Variants in ARID4B observed in about 807,000 individuals in gnomAD.
ARID4B encodes the protein AT-rich interactive domain-containing protein 4B.
ARID4B carries 26 observed loss-of-function variants against 147.5 expected under a neutral mutation model. The observed-to-expected ratio is 0.18, with a 90% CI of 0.13 to 0.24. The LOEUF (loss-of-function observed/expected upper bound fraction) is 0.24. Ranked by LOEUF, ARID4B falls within the 10% of genes least tolerant of loss-of-function variation. The probability of loss-of-function intolerance (pLI) is 1.00; values close to 1 mark genes in which losing one functional copy is unlikely to be tolerated. For missense variants in ARID4B, 1,179 were observed against 1,511.5 expected (o/e 0.78, Z 3.65); for synonymous variants, 512 against 507.9 (o/e 1.01, Z -0.11).
At chr1:235,212,943 G>A (rs1041626252) in intron 17 of ARID4B, among the ~76,000 whole-genome samples, 53 of 152,052 alleles carry the variant, frequency 3.5e-4, no homozygotes, top group Non-Finnish European at 1.2e-4. Flanking sequence ...AAACTTCTAT[G>A]GTTAATCTTT....
chr1:235,217,157 A>G (rs1460860929), intron 16 of ARID4B, among the ~76,000 whole-genome samples: 6 of 152,196 alleles, frequency 3.9e-5, no homozygotes, highest in Admixed American at 3.9e-4. Flanking sequence ...TATACATTTA[A>G]TATCACCCTC....
chr1:235,204,730 G>A (rs1182446701), intron 17 of ARID4B, among the ~76,000 whole-genome samples: 1 of 152,144 alleles, frequency 6.6e-6, no homozygotes, highest in Non-Finnish European at 1.5e-5. Flanking sequence ...CCCCAAAAGT[G>A]TACTTTGTTA....
At chr1:235,189,578 T>C (rs986223636) in intron 19 of ARID4B, among the ~76,000 whole-genome samples, 8 of 151,732 alleles carry the variant, frequency 5.3e-5, no homozygotes, top group Non-Finnish European at 1.2e-4. Context: ...AGGTATAATA[T>C]CAAATAATGG....
intron 2 of ARID4B, among the ~76,000 whole-genome samples, chr1:235,301,252 T>A (rs1392091360): frequency 2.6e-5 from 4 of 151,750 alleles, no homozygotes. Context: ...TGCTGAAAAT[T>A]TAGTGCCCAG....
chr1:235,177,233 G>T lies in ARID4B; in HGVS notation c.3448+567C>A, dbSNP rs573547465. Among the ~76,000 whole-genome samples the T allele has an allele frequency of 9.2e-5, 14 of 152,272 alleles. No individual in the cohort carries two copies. In the South Asian group the frequency reaches 2.9e-3, roughly 32 times the overall value. Reference sequence around the variant, plus strand: ...ACTGTAATAAAAATAACATGTAGTTGAAATATTTCACAATGTGTGATACAT... The same window carrying T: ...ACTGTAATAAAAATAACATGTAGTTTAAATATTTCACAATGTGTGATACAT... On this transcript the variant is annotated intron_variant, in intron 21 of 23. Coordinates refer to ENST00000264183, the MANE Select transcript of ARID4B (RefSeq NM_016374.6).
intron 2 of ARID4B, 97 bp downstream of exon 2, chr1:235,326,817 C>T: frequency 2.7e-6 from 4 of 1,490,364 alleles, no homozygotes; most frequent in Non-Finnish European, 3.7e-6. Flanking sequence ...ACACCTTCCT[C>T]TGCAAAACTC....
intron 22 of ARID4B, among the ~76,000 whole-genome samples, chr1:235,174,129 T>G (rs906771534): frequency 6.6e-6 from 1 of 151,842 alleles, no homozygotes; most frequent in Non-Finnish European, 1.5e-5. Flanking sequence ...AACCTCCACC[T>G]GCCAGGTGCA....
intron 14 of ARID4B, among the ~76,000 whole-genome samples, chr1:235,220,831 T>C (rs1667416368): frequency 6.6e-6 from 1 of 152,210 alleles, no homozygotes; most frequent in Non-Finnish European, 1.5e-5. Flanking sequence ...CTGGACTCCT[T>C]AGTAAATCTC....
intron 18 of ARID4B, 66 bp from the exon 19 acceptor site, chr1:235,194,277 C>A (rs1465172212): frequency 2.7e-6 from 3 of 1,114,430 alleles, no homozygotes; most frequent in African/African-American, 3.1e-5. Context: ...ATGTTAATGT[C>A]CACTTTTAAC....
At chr1:235,201,658 AACCTTTTGGTTTTAAAATGCTTCCAG>A (rs1271140908) in intron 17 of ARID4B, among the ~76,000 whole-genome samples, 1 of 152,032 alleles carries the variant, frequency 6.6e-6, no homozygotes, top group East Asian at 1.9e-4. Flanking sequence ...GTTAAATACA[AACCTTTTGGTTTTAAAATGCTTCCAG>A]ACCAGCCTGG....
At chr1:235,236,711 C>T (rs1668582847) in intron 8 of ARID4B, among the ~76,000 whole-genome samples, 1 of 149,702 alleles carries the variant, frequency 6.7e-6, no homozygotes, top group Non-Finnish European at 1.5e-5. Flanking sequence ...TAGGGTTTCA[C>T]CATGTTGGCC....
chr1:235,207,535 A>G (rs544773750), intron 17 of ARID4B, among the ~76,000 whole-genome samples: 16 of 152,338 alleles, frequency 1.1e-4, no homozygotes, highest in African/African-American at 3.1e-4. Context: ...AATGTAAGCA[A>G]TATCAAGGGA....
At chr1:235,231,803 C>T (rs1385509515) in intron 9 of ARID4B, among the ~76,000 whole-genome samples, 3 of 152,140 alleles carry the variant, frequency 2.0e-5, no homozygotes, top group African/African-American at 7.2e-5. Flanking sequence ...CGATTTATGG[C>T]AATATAATGA....
chr1:235,260,602 A>T (rs1670233223), intron 3 of ARID4B, 40 bp downstream of exon 3: 1 of 1,444,320 alleles, frequency 6.9e-7, no homozygotes, highest in East Asian at 2.4e-5. Flanking sequence ...TACATATCAA[A>T]TGCTGAACAT....
chr1:235,200,583 A>G (rs1187692289), intron 17 of ARID4B, among the ~76,000 whole-genome samples: 1 of 152,240 alleles, frequency 6.6e-6, no homozygotes, highest in Non-Finnish European at 1.5e-5. Flanking sequence ...TTAATTTAAG[A>G]AAGCAATATT....
At chr1:235,193,498 C>CA (rs1005740938) in intron 19 of ARID4B, among the ~76,000 whole-genome samples, 5 of 152,282 alleles carry the variant, frequency 3.3e-5, no homozygotes, top group Non-Finnish European at 5.9e-5. Flanking sequence ...TTGTATAACA[C>CA]AAACTATGCA....
At chr1:235,221,956 T>C (rs1254921812) in intron 13 of ARID4B, among the ~76,000 whole-genome samples, 2 of 127,424 alleles carry the variant, frequency 1.6e-5, no homozygotes, top group African/African-American at 3.0e-5. Flanking sequence ...TAGGCTAAAG[T>C]GCAGCAACAG....
At chr1:235,238,736 G>C (rs527583025) in intron 8 of ARID4B, among the ~76,000 whole-genome samples, 5 of 151,984 alleles carry the variant, frequency 3.3e-5, no homozygotes, top group Admixed American at 2.0e-4. Context: ...TCCACCTGTA[G>C]TGTGAGCTAC....
intron 8 of ARID4B, among the ~76,000 whole-genome samples, chr1:235,239,175 T>C (rs1323509158): frequency 6.6e-6 from 1 of 152,104 alleles, no homozygotes; most frequent in South Asian, 2.1e-4. Context: ...TTTTGCCCTG[T>C]TGGCCAGGCT....
Sources: allele counts gnomAD v4.1 joint callset (sites outside exome capture counted in the v4.1 genomes callset), GRCh38; gene constraint gnomAD v4.1.1; transcripts MANE v1.5; gene names NCBI Gene and HGNC (gene_info 2026-07-23, HGNC 2026-07-21).